Variants in FIRRM observed in about 807,000 individuals in gnomAD.
FIRRM encodes FIGNL1 interacting regulator of recombination and mitosis.
the FIRRM span, among the ~76,000 whole-genome samples, chr1:169,814,498 G>T: frequency 6.6e-6 from 1 of 152,022 alleles, no homozygotes; most frequent in Admixed American, 6.5e-5. Flanking sequence ...CCATCCCCAC[G>T]TGAGCAGTTT....
the FIRRM span, among the ~76,000 whole-genome samples, chr1:169,791,220 T>G: frequency 6.6e-6 from 1 of 152,252 alleles, no homozygotes; most frequent in African/African-American, 2.4e-5. Context: ...AGCATCTGGC[T>G]GCTGCATGTC....
chr1:169,794,022 C>T, the FIRRM span: 2 of 192,178 alleles, frequency 1.0e-5, no homozygotes, highest in Non-Finnish European at 2.0e-5. Context: ...GCTGCTTTTT[C>T]TTAAAAAGTT....
chr1:169,852,772 C>T, the FIRRM span: 13 of 1,611,790 alleles, frequency 8.1e-6, no homozygotes, highest in African/African-American at 1.7e-4. Flanking sequence ...TGTGATATTA[C>T]TTATGTTTTT....
the FIRRM span, among the ~76,000 whole-genome samples, chr1:169,812,598 C>T: frequency 3.8e-4 from 58 of 152,166 alleles, no homozygotes; most frequent in Non-Finnish European, 1.2e-4. Context: ...TGACCCATGG[C>T]TGTAATCCCA....
At chr1:169,800,172 C>G in the FIRRM span, among the ~76,000 whole-genome samples, 1 of 152,114 alleles carries the variant, frequency 6.6e-6, no homozygotes, top group Admixed American at 6.5e-5. Context: ...TAGCTGAGAC[C>G]GCAGGTGCGT....
At chr1:169,851,767 T>TA in the FIRRM span, 11 of 1,591,242 alleles carry the variant, frequency 6.9e-6, no homozygotes, top group African/African-American at 2.7e-5. Flanking sequence ...TCATATCTAG[T>TA]AGAGTGCTAA....
chr1:169,800,449 A>G, the FIRRM span, among the ~76,000 whole-genome samples: 4 of 152,234 alleles, frequency 2.6e-5, no homozygotes, highest in African/African-American at 9.6e-5. Context: ...ATTACAAAAC[A>G]TCTAATCTGA....
At chr1:169,838,224 C>T in the FIRRM span, among the ~76,000 whole-genome samples, 11 of 152,046 alleles carry the variant, frequency 7.2e-5, no homozygotes. Context: ...CAGGTGTGAG[C>T]CACTGTGCCC....
the FIRRM span, among the ~76,000 whole-genome samples, chr1:169,817,136 T>G: frequency 3.3e-5 from 5 of 152,132 alleles, no homozygotes; most frequent in South Asian, 1.0e-3. Context: ...AAAAAAAAAT[T>G]ACTTCAGTCT....
At chr1:169,787,696 AT>A in the FIRRM span, among the ~76,000 whole-genome samples, 1 of 152,158 alleles carries the variant, frequency 6.6e-6, no homozygotes, top group East Asian at 1.9e-4. Context: ...ACATTGAACC[AT>A]TTTTTTCTTT....
At chr1:169,824,912 T>C in the FIRRM span, among the ~76,000 whole-genome samples, 1 of 152,222 alleles carries the variant, frequency 6.6e-6, no homozygotes, top group Non-Finnish European at 1.5e-5. Flanking sequence ...AGTCAGGACA[T>C]CTATACTAAA....
the FIRRM span, among the ~76,000 whole-genome samples, chr1:169,786,921 A>G: frequency 6.6e-6 from 1 of 152,180 alleles, no homozygotes; most frequent in East Asian, 1.9e-4. Context: ...TGACCGCTCT[A>G]CTGGGACCAG....
At chr1:169,813,556 G>A in the FIRRM span, among the ~76,000 whole-genome samples, 1 of 152,208 alleles carries the variant, frequency 6.6e-6, no homozygotes, top group Non-Finnish European at 1.5e-5. Context: ...TAAAAATAAT[G>A]ATAGGATTGT....
the FIRRM span, chr1:169,853,859 A>C: frequency 3.4e-6 from 5 of 1,477,104 alleles, no homozygotes; most frequent in Non-Finnish European, 4.7e-6. Context: ...AGGAATTTAA[A>C]ATTTATCTTT....
the FIRRM span, among the ~76,000 whole-genome samples, chr1:169,797,629 A>G: frequency 6.6e-6 from 1 of 152,120 alleles, no homozygotes; most frequent in African/African-American, 2.4e-5. Context: ...ATCTCAGCTC[A>G]CAGCAGCCAG....
chr1:169,832,025 C>T, the FIRRM span, among the ~76,000 whole-genome samples: 107 of 152,304 alleles, frequency 7.0e-4, no homozygotes, highest in African/African-American at 2.4e-3. Context: ...TCCCAAAGTG[C>T]TGGGATTACA....
At chr1:169,800,898 T>C in the FIRRM span, 2 of 1,573,638 alleles carry the variant, frequency 1.3e-6, no homozygotes, top group Middle Eastern at 1.7e-4. Flanking sequence ...TTGAAAATTA[T>C]TGTAGAAATG....
chr1:169,793,607 G>A, the FIRRM span: 2 of 1,614,154 alleles, frequency 1.2e-6, no homozygotes, highest in Non-Finnish European at 8.5e-7. Context: ...CAGCTCTTTT[G>A]AGGAATCCAG....
chr1:169,826,929 T>A, the FIRRM span: 1 of 845,654 alleles, frequency 1.2e-6, no homozygotes, highest in Non-Finnish European at 1.8e-6. Flanking sequence ...AATGCACACT[T>A]ATTTTTAAAA....
Sources: gnomAD v4.1 joint callset for allele counts (sites outside exome capture counted in the v4.1 genomes callset) on GRCh38, gnomAD v4.1.1 for gene constraint, MANE v1.5 for transcripts, NCBI Gene and HGNC (gene_info 2026-07-23, HGNC 2026-07-21) for gene names.